The following ADAMTS18 variants were observed in gnomAD, a reference collection of about 807,000 sequenced individuals.
ADAMTS18 encodes the protein A disintegrin and metalloproteinase with thrombospondin motifs 18.
Under a neutral mutation model 165.9 loss-of-function variants are expected in ADAMTS18, and 157 were observed. The observed-to-expected ratio is 0.95, with a 90% CI of 0.83 to 1.08. ADAMTS18 has a LOEUF of 1.08. Among genes scored for constraint, ADAMTS18 ranks in the 50% least tolerant of loss-of-function variants. ADAMTS18 has a pLI of 0.00. For missense variants in ADAMTS18, 2,040 were observed against 1,534.0 expected (o/e 1.33, Z -5.51); for synonymous variants, 782 against 578.2 (o/e 1.35, Z -5.06).
At chr16:77,417,357 A>G (rs2057543897) in intron 3 of ADAMTS18, among the ~76,000 whole-genome samples, 1 of 152,114 alleles carries the variant, frequency 6.6e-6, no homozygotes, top group South Asian at 2.1e-4. Context: ...AGAAATGTCA[A>G]GTTGTTAGTT....
At chr16:77,344,969 T>G (rs1055889222) in intron 10 of ADAMTS18, among the ~76,000 whole-genome samples, 8 of 152,126 alleles carry the variant, frequency 5.3e-5, no homozygotes, top group Non-Finnish European at 1.0e-4. Context: ...TTCAAATAAC[T>G]TTCCCTTATC....
intron 8 of ADAMTS18, among the ~76,000 whole-genome samples, chr16:77,357,454 A>C (rs1027989115): frequency 3.3e-5 from 5 of 152,174 alleles, no homozygotes; most frequent in African/African-American, 7.2e-5. Context: ...TTCTCACCTA[A>C]CCAAGACGTT....
chr16:77,309,458 C>T (rs983914060), intron 16 of ADAMTS18, among the ~76,000 whole-genome samples: 9 of 152,180 alleles, frequency 5.9e-5, no homozygotes, highest in Non-Finnish European at 8.8e-5. Context: ...TTGTCATCCA[C>T]CTGTTGCACA....
intron 3 of ADAMTS18, among the ~76,000 whole-genome samples, chr16:77,397,525 T>C (rs766107304): frequency 4.1e-4 from 62 of 152,262 alleles, no homozygotes; most frequent in South Asian, 6.2e-4. Flanking sequence ...TAGATAGTTA[T>C]GTAGGTCTCA....
At position 77,361,978 on chromosome 16, in the gene ADAMTS18, G is replaced by A. The variant is rs143171932; in HGVS notation, c.1216+127C>T. 44 of 1,088,472 alleles carry A rather than the reference G, an allele frequency of 4.0e-5. No individual in the cohort carries two copies. In the African/African-American group the frequency reaches 5.9e-4, roughly 15 times the overall value. The allele number at this position is 1,088,472 out of a possible 1,614,324, so 67.4% of individuals were successfully genotyped here. ...CAATAGTCACCACAGGGTACATTAG[G>A]TTACTCCATAATTTAAATATTATGT... On this transcript the variant is annotated intron_variant, in intron 7 of 22. Transcript: ENST00000282849.
At chr16:77,345,500 G>A (rs115176238) in intron 10 of ADAMTS18, among the ~76,000 whole-genome samples, 3 of 152,104 alleles carry the variant, frequency 2.0e-5, no homozygotes, top group Admixed American at 6.5e-5. Context: ...CTACTACCCT[G>A]TTCCAAGCCA....
intron 12 of ADAMTS18, among the ~76,000 whole-genome samples, chr16:77,333,013 A>G (rs1405646489): frequency 6.6e-6 from 1 of 152,178 alleles, no homozygotes; most frequent in Non-Finnish European, 1.5e-5. Context: ...CCAGTTTGAG[A>G]GACACTCACA....
At chr16:77,419,228 A>C (rs1009265928) in intron 3 of ADAMTS18, among the ~76,000 whole-genome samples, 2 of 152,144 alleles carry the variant, frequency 1.3e-5, no homozygotes, top group African/African-American at 4.8e-5. Context: ...TTCCCTGCTT[A>C]GGGTCTTCAG....
chr16:77,320,585 G>A (rs1287357109), intron 15 of ADAMTS18, among the ~76,000 whole-genome samples: 2 of 151,792 alleles, frequency 1.3e-5, no homozygotes, highest in Non-Finnish European at 2.9e-5. Context: ...GTTGCAGTGA[G>A]CTGAGATCAC....
At chr16:77,335,420 T>C (rs2056292750) in intron 12 of ADAMTS18, among the ~76,000 whole-genome samples, 1 of 151,934 alleles carries the variant, frequency 6.6e-6, no homozygotes, top group Non-Finnish European at 1.5e-5. Context: ...TAGTATTCAG[T>C]AGCACAAATA....
chr16:77,320,873 CA>C (rs2144639482), intron 15 of ADAMTS18, among the ~76,000 whole-genome samples: 2 of 152,304 alleles, frequency 1.3e-5, no homozygotes, highest in East Asian at 3.9e-4. Context: ...AGCAGAAAGG[CA>C]TTTATTTGGC....
At chr16:77,318,837 A>AT (rs2055933997) in intron 16 of ADAMTS18, among the ~76,000 whole-genome samples, 1 of 152,076 alleles carries the variant, frequency 6.6e-6, no homozygotes, top group African/African-American at 2.4e-5. Flanking sequence ...ACAAACTGAA[A>AT]CTTAACATGA....
intron 6 of ADAMTS18, among the ~76,000 whole-genome samples, chr16:77,363,471 C>G (rs531615942): frequency 1.3e-5 from 2 of 151,896 alleles, no homozygotes; most frequent in Non-Finnish European, 2.9e-5. Flanking sequence ...ACCTGCTTTG[C>G]GAAGCCTACA....
intron 3 of ADAMTS18, among the ~76,000 whole-genome samples, chr16:77,413,062 T>G (rs908620929): frequency 6.6e-6 from 1 of 152,056 alleles, no homozygotes; most frequent in East Asian, 1.9e-4. Flanking sequence ...AAAAAACTTG[T>G]TGGTTCTGTT....
chr16:77,286,171 G>T (rs905180884), intron 22 of ADAMTS18, among the ~76,000 whole-genome samples: 2 of 152,104 alleles, frequency 1.3e-5, no homozygotes, highest in Non-Finnish European at 2.9e-5. Context: ...GGGGACTTTG[G>T]GGTCTCTCTG....
At chr16:77,384,107 G>C (rs1433139349) in intron 3 of ADAMTS18, among the ~76,000 whole-genome samples, 1 of 152,048 alleles carries the variant, frequency 6.6e-6, no homozygotes, top group Admixed American at 6.6e-5. Flanking sequence ...CCATTGTTTG[G>C]CAGCTGGTAG....
At chr16:77,354,408 G>C (rs759050979) in intron 9 of ADAMTS18, among the ~76,000 whole-genome samples, 1 of 151,926 alleles carries the variant, frequency 6.6e-6, no homozygotes, top group Non-Finnish European at 1.5e-5. Flanking sequence ...CATTCCTAAA[G>C]AATCAAGAGG....
At chr16:77,328,060 C>G (rs1359626971) in intron 12 of ADAMTS18, among the ~76,000 whole-genome samples, 1 of 152,050 alleles carries the variant, frequency 6.6e-6, no homozygotes, top group Admixed American at 6.5e-5. Context: ...CCTTTCCTGC[C>G]AAGCACAATG....
chr16:77,335,641 T>A, intron 12 of ADAMTS18, 115 bp downstream of exon 12: 1 of 1,238,708 alleles, frequency 8.1e-7, no homozygotes, highest in Admixed American at 1.7e-5. Context: ...AACCATTATG[T>A]AGCCATAATA....
Sources: gnomAD v4.1 joint callset for allele counts (sites outside exome capture counted in the v4.1 genomes callset) on GRCh38, gnomAD v4.1.1 for gene constraint, MANE v1.5 for transcripts, NCBI Gene and HGNC (gene_info 2026-07-23, HGNC 2026-07-21) for gene names.